The following SERTAD4 variants were observed in gnomAD, a reference collection of about 807,000 sequenced individuals.
SERTAD4 encodes the protein SERTA domain containing 4, also known as SERTA domain-containing protein 4.
In SERTAD4, 18 loss-of-function variants were observed where a neutral mutation model predicts 32.9. That is an observed-to-expected ratio of 0.55 (90% CI 0.38 to 0.81). The LOEUF is 0.81. Among genes scored for constraint, SERTAD4 ranks in the 30% least tolerant of loss-of-function variants. The pLI, the probability that SERTAD4 is intolerant of heterozygous loss-of-function variation, is 0.00. For synonymous variants in SERTAD4, 150 were observed against 156.4 expected (o/e 0.96, Z 0.30); for missense variants, 383 against 426.0 (o/e 0.90, Z 0.89).
At chr1:210,234,510 G>T (rs909477654) in intron 1 of SERTAD4, among the ~76,000 whole-genome samples, 1 of 152,154 alleles carries the variant, frequency 6.6e-6, no homozygotes, top group Non-Finnish European at 1.5e-5. Context: ...GAAGAATTTT[G>T]TTCCGCCCAT....
At position 210,246,012 on chromosome 1, in the gene SERTAD4, T is replaced by A; in HGVS notation, c.*3675T>A. 1 of 827,098 alleles carries A rather than the reference T, an allele frequency of 1.2e-6. No individual in the cohort carries two copies. The highest frequency in any genetic ancestry group is 1.5e-6 in the Non-Finnish European group (1 of 685,334). The allele number at this position is 827,098 out of a possible 1,614,324, so 51.2% of individuals were successfully genotyped here. A position where few individuals can be genotyped will look rare whatever the true frequency, so the allele number is the denominator to read the frequency against. ...CTTAAATTTGAAGTTATTTCATTTG[T>A]AGTTAAGGTTATCACATCCCTGCCA... On this transcript the variant is annotated 3_prime_UTR_variant, in exon 4 of 4. Transcript: ENST00000367012.
intron 1 of SERTAD4, among the ~76,000 whole-genome samples, chr1:210,235,988 G>A (rs1326739617): frequency 6.6e-6 from 1 of 152,202 alleles, no homozygotes; most frequent in African/African-American, 2.4e-5. Flanking sequence ...TAATTCATGT[G>A]CTCTTGGCAA....
At position 210,245,836 on chromosome 1, in the gene SERTAD4, A is replaced by G. The variant is rs2084044008; in HGVS notation, c.*3499A>G. 1 of 985,396 alleles carries G rather than the reference A, an allele frequency of 1.0e-6. No homozygotes were observed. Among genetic ancestry groups the G allele is most frequent in the Non-Finnish European group, 1.2e-6 (1 of 829,876 alleles). The allele number at this position is 985,396 out of a possible 1,614,324, so 61.0% of individuals were successfully genotyped here. On this transcript the variant is annotated 3_prime_UTR_variant, in exon 4 of 4. Coordinates refer to ENST00000367012, the MANE Select transcript of SERTAD4 (RefSeq NM_019605.5). ...AGGACAACTTGTAGAAGACATGACC[A>G]TTAAGAGACATCAACTTCGCAACAA...
chr1:210,233,997 A>AT (rs2083915135), intron 1 of SERTAD4: 15 of 372,900 alleles, frequency 4.0e-5, no homozygotes, highest in South Asian at 3.1e-4. Flanking sequence ...TTTTTTTTAA[A>AT]AAAAAAAAAG....
chr1:210,237,885 G>A, intron 1 of SERTAD4, 59 bp from the exon 2 acceptor site: 2 of 1,409,012 alleles, frequency 1.4e-6, no homozygotes, highest in Non-Finnish European at 9.8e-7. Context: ...GCCGTCCCTT[G>A]GCTTGCTCTT....
At chr1:210,238,354 A>G (rs1301274645) in intron 2 of SERTAD4, among the ~76,000 whole-genome samples, 1 of 152,330 alleles carries the variant, frequency 6.6e-6, no homozygotes, top group African/African-American at 2.4e-5. Context: ...GTGTCTACCC[A>G]TGCTGCTTTT....
chr1:210,238,255 A>T, intron 2 of SERTAD4, 120 bp downstream of exon 2: 2 of 639,314 alleles, frequency 3.1e-6, no homozygotes, highest in Non-Finnish European at 5.5e-6. Context: ...AGCTCCAGGG[A>T]CTTCCCGGGC....
Position 210,239,657 on chromosome 1 carries a change from A to C in SERTAD4, c.291+49A>C, listed in dbSNP as rs375984023. 3.9e-5 allele frequency: 42 copies of C among 1,071,692 alleles called. 1 individual carries two copies. The Middle Eastern group carries it at 6.1e-4, about 16-fold the overall frequency. 66.4% of individuals were successfully genotyped at this position (1,071,692 alleles called of 1,614,324 possible). A position where few individuals can be genotyped will look rare whatever the true frequency, so the allele number is the denominator to read the frequency against. ...TTTTTATTAAGAGTTTAAGATACTT[A>C]GTAACAGTTGCTTGATCCACTTCCA... is the stretch of plus-strand genomic sequence containing the variant. On this transcript the variant is annotated intron_variant, in intron 3 of 3. Transcript: ENST00000367012.
Position 210,246,007 on chromosome 1 carries a change from A to AT in SERTAD4, c.*3673dup. 1 of 866,656 alleles carries AT rather than the reference A, an allele frequency of 1.2e-6. No homozygotes were observed. The highest frequency in any genetic ancestry group is 1.4e-6 in the Non-Finnish European group (1 of 721,664). The allele number at this position is 866,656 out of a possible 1,614,324, so 53.7% of individuals were successfully genotyped here. ...AGCCCCTTAAATTTGAAGTTATTTC[A>AT]TTTGTAGTTAAGGTTATCACATCCC... On this transcript the variant is annotated 3_prime_UTR_variant, in exon 4 of 4. Coordinates refer to ENST00000367012, the MANE Select transcript of SERTAD4 (RefSeq NM_019605.5).
chr1:210,236,806 T>G (rs1251867959), intron 1 of SERTAD4, among the ~76,000 whole-genome samples: 1 of 152,192 alleles, frequency 6.6e-6, no homozygotes, highest in African/African-American at 2.4e-5. Flanking sequence ...GATTGGCAGT[T>G]AAGGAGGCAC....
rs2147845267 is a variant in SERTAD4 at position 210,236,630 on chromosome 1, C to G, written c.-17-1314C>G. Among the ~76,000 whole-genome samples the G allele has an allele frequency of 1.3e-5, 2 of 152,330 alleles. 1 individual carries two copies. The highest frequency in any genetic ancestry group is 2.9e-5 in the Non-Finnish European group (2 of 68,032). On this transcript the variant is annotated intron_variant, in intron 1 of 3. Coordinates refer to ENST00000367012, the MANE Select transcript of SERTAD4 (RefSeq NM_019605.5). The stretch of plus-strand genomic sequence containing the variant: ...CTCCCACGAGACAATGGTAGATTCA[C>G]TCTTTCCCAGAAACATTACAAGCTG...
Position 210,245,874 on chromosome 1 carries a change from G to T in SERTAD4, c.*3537G>T. 3 of 985,266 alleles carry T rather than the reference G, an allele frequency of 3.0e-6. No individual in the cohort carries two copies. Among genetic ancestry groups the T allele is most frequent in the Non-Finnish European group, 3.6e-6 (3 of 829,798 alleles). The allele number at this position is 985,266 out of a possible 1,614,324, so 61.0% of individuals were successfully genotyped here. ...AACTTCGCAACAAATATAAGACAAG[G>T]ATACAAGGATTCCTATGTGATGCAG... On this transcript the variant is annotated 3_prime_UTR_variant, in exon 4 of 4. Coordinates refer to ENST00000367012, the MANE Select transcript of SERTAD4 (RefSeq NM_019605.5).
intron 3 of SERTAD4, 65 bp downstream of exon 3, chr1:210,239,673 TC>T: frequency 1.1e-6 from 1 of 895,360 alleles, no homozygotes; most frequent in Non-Finnish European, 1.7e-6. Context: ...AGTTGCTTGA[TC>T]CACTTCCAGG....
At chr1:210,233,080 C>T (rs1437506494) in intron 1 of SERTAD4, 69 bp downstream of exon 1, 4 of 151,766 alleles carry the variant, frequency 2.6e-5, no homozygotes, top group Admixed American at 2.6e-4. Context: ...GAGGGCCCCC[C>T]GGGGCTCCTG....
chr1:210,234,808 T>A (rs2083924984), intron 1 of SERTAD4, among the ~76,000 whole-genome samples: 1 of 152,242 alleles, frequency 6.6e-6, no homozygotes, highest in African/African-American at 2.4e-5. Context: ...ATAGCTACCC[T>A]GTTTTGTGTG....
rs989793614 is a variant in SERTAD4, at chr1:210,236,638, C to T, written c.-17-1306C>T. 6.6e-5 allele frequency among the ~76,000 whole-genome samples: 10 copies of T among 152,242 alleles called. No homozygotes were observed. In the South Asian group the frequency reaches 1.7e-3, roughly 25 times the overall value. On this transcript the variant is annotated intron_variant, in intron 1 of 3. Transcript: ENST00000367012. ...AGACAATGGTAGATTCACTCTTTCC[C>T]AGAAACATTACAAGCTGTATAATTT...
Position 210,243,153 on chromosome 1 carries a change from T to C in SERTAD4, c.*816T>C. On this transcript the variant is annotated 3_prime_UTR_variant, in exon 4 of 4. Coordinates refer to ENST00000367012, the MANE Select transcript of SERTAD4 (RefSeq NM_019605.5). ...TCAATATGGTTTGGAAACTGTTAAC[T>C]TTGAACTATTGTGTTCAGCTTTTGA... 1.0e-6 allele frequency: 1 copy of C among 975,592 alleles called. No homozygotes were observed. The highest frequency in any genetic ancestry group is 1.2e-6 in the Non-Finnish European group (1 of 821,874). 60.4% of individuals were successfully genotyped at this position (975,592 alleles called of 1,614,324 possible). A position where few individuals can be genotyped will look rare whatever the true frequency, so the allele number is the denominator to read the frequency against.
intron 3 of SERTAD4, among the ~76,000 whole-genome samples, chr1:210,239,931 G>A (rs533324157): frequency 3.9e-5 from 6 of 152,234 alleles, no homozygotes; most frequent in Middle Eastern, 3.4e-3. Context: ...TGGGGAATGC[G>A]CTCGTTCTTT....
intron 1 of SERTAD4, chr1:210,233,993 T>TAA (rs199811176): frequency 7.7e-5 from 22 of 287,522 alleles, no homozygotes; most frequent in East Asian, 3.3e-4. Context: ...GGTTTTTTTT[T>TAA]TAAAAAAAAA....
Sources: allele counts gnomAD v4.1 joint callset (sites outside exome capture counted in the v4.1 genomes callset), GRCh38; gene constraint gnomAD v4.1.1; transcripts MANE v1.5; gene names NCBI Gene and HGNC (gene_info 2026-07-23, HGNC 2026-07-21).